ARHGAP6: variants seen among roughly 807,000 people sequenced by gnomAD.
ARHGAP6 encodes the protein Rho GTPase activating protein 6, also known as rho GTPase-activating protein 6.
ARHGAP6 carries 16 observed loss-of-function variants against 55.7 expected under a neutral mutation model. That is an observed-to-expected ratio of 0.29 (90% CI 0.19 to 0.44). ARHGAP6 has a LOEUF of 0.44. ARHGAP6 is among the 20% of genes least tolerant of loss of function. ARHGAP6 has a pLI of 1.00. For missense variants in ARHGAP6, 698 were observed against 808.9 expected (o/e 0.86, Z 1.66); for synonymous variants, 382 against 360.9 (o/e 1.06, Z -0.66).
chrX:11,205,340 G>A (rs2046690965), intron 2 of ARHGAP6, among the ~76,000 whole-genome samples: 1 of 111,671 alleles, frequency 9.0e-6, no homozygotes, highest in South Asian at 3.8e-4. Flanking sequence ...CCACCTACCA[G>A]ATGCCAGTAG....
intron 1 of ARHGAP6, among the ~76,000 whole-genome samples, chrX:11,353,777 C>T (rs369137968): frequency 1.8e-5 from 2 of 111,071 alleles, no homozygotes; most frequent in African/African-American, 6.5e-5. Flanking sequence ...AATTGTTCTG[C>T]CTCCTCTCTG....
chrX:11,568,147 G>A (rs1601652701), intron 1 of ARHGAP6, among the ~76,000 whole-genome samples: 1 of 111,331 alleles, frequency 9.0e-6, no homozygotes, highest in African/African-American at 3.3e-5. Flanking sequence ...ATCCCAGGGA[G>A]GACCTGGAAA....
chrX:11,277,552 A>T (rs1215496056), intron 1 of ARHGAP6, among the ~76,000 whole-genome samples: 2 of 111,614 alleles, frequency 1.8e-5, no homozygotes, highest in Non-Finnish European at 3.8e-5. Context: ...CAATTACAAG[A>T]AAACTCATGC....
intron 2 of ARHGAP6, among the ~76,000 whole-genome samples, chrX:11,222,953 A>T (rs1372881739): frequency 8.9e-6 from 1 of 111,937 alleles, no homozygotes; most frequent in Non-Finnish European, 1.9e-5. Flanking sequence ...TGTTATACCA[A>T]TTGGAATTGG....
At chrX:11,444,267 G>A (rs2050070431) in intron 1 of ARHGAP6, among the ~76,000 whole-genome samples, 3 of 112,221 alleles carry the variant, frequency 2.7e-5, no homozygotes, top group Non-Finnish European at 5.6e-5. Context: ...TACCAAAACA[G>A]TCAGCGGGCT....
chrX:11,237,763 CA>C (rs2047221971), intron 2 of ARHGAP6, among the ~76,000 whole-genome samples: 1 of 111,599 alleles, frequency 9.0e-6, no homozygotes, highest in African/African-American at 3.3e-5. Context: ...GAGGAGAGCT[CA>C]ATGAAAAAGT....
intron 1 of ARHGAP6, among the ~76,000 whole-genome samples, chrX:11,568,798 G>C (rs1181627729): frequency 1.0e-4 from 11 of 108,840 alleles, no homozygotes; most frequent in African/African-American, 3.7e-4. Flanking sequence ...CTAAATCAAA[G>C]TGTTACTGAG....
chrX:11,218,269 G>T (rs1249221018), intron 2 of ARHGAP6, among the ~76,000 whole-genome samples: 5 of 111,991 alleles, frequency 4.5e-5, no homozygotes, highest in Non-Finnish European at 9.4e-5. Flanking sequence ...GTAGCTTGAT[G>T]GGGATAGCAT....
At chrX:11,482,660 A>C (rs2050468192) in intron 1 of ARHGAP6, among the ~76,000 whole-genome samples, 1 of 111,426 alleles carries the variant, frequency 9.0e-6, no homozygotes, top group South Asian at 3.8e-4. Context: ...GGCTCAGCTC[A>C]TATCCCCTCC....
intron 1 of ARHGAP6, among the ~76,000 whole-genome samples, chrX:11,572,454 T>C (rs1168147939): frequency 9.0e-6 from 1 of 110,913 alleles, no homozygotes; most frequent in Non-Finnish European, 1.9e-5. Context: ...TTTTTTGTTC[T>C]TGCGATAGTT....
At chrX:11,517,495 C>A (rs2050854481) in intron 1 of ARHGAP6, among the ~76,000 whole-genome samples, 1 of 111,573 alleles carries the variant, frequency 9.0e-6, no homozygotes, top group African/African-American at 3.3e-5. Flanking sequence ...ATCATGAATC[C>A]TTTCCACTTC....
intron 1 of ARHGAP6, among the ~76,000 whole-genome samples, chrX:11,321,949 C>G (rs762944527): frequency 8.9e-6 from 1 of 111,924 alleles, no homozygotes; most frequent in Non-Finnish European, 1.9e-5. Context: ...TAAAGTGGCG[C>G]TCTGGAAAAT....
chrX:11,454,100 C>A (rs1487959586), intron 1 of ARHGAP6, among the ~76,000 whole-genome samples: 1 of 102,830 alleles, frequency 9.7e-6, no homozygotes, highest in African/African-American at 3.6e-5. Context: ...CCTGCCACCA[C>A]GCACGGCTAA....
At chrX:11,616,160 C>T (rs1363771925) in intron 1 of ARHGAP6, among the ~76,000 whole-genome samples, 1 of 110,143 alleles carries the variant, frequency 9.1e-6, no homozygotes, top group East Asian at 2.8e-4. Flanking sequence ...ATTGTTATAA[C>T]TAGTATACCC....
chrX:11,322,011 A>G (rs763724212), intron 1 of ARHGAP6, among the ~76,000 whole-genome samples: 29 of 112,406 alleles, frequency 2.6e-4, no homozygotes, highest in African/African-American at 7.4e-4. Context: ...GTGACGTGAC[A>G]TATGTGAGTA....
intron 1 of ARHGAP6, among the ~76,000 whole-genome samples, chrX:11,659,750 G>A (rs2052676283): frequency 9.0e-6 from 1 of 111,679 alleles, no homozygotes; most frequent in African/African-American, 3.3e-5. Flanking sequence ...CTTTGAAAAT[G>A]AAGGAAGGGG....
chrX:11,538,768 A>C (rs1364216761), intron 1 of ARHGAP6, among the ~76,000 whole-genome samples: 1 of 110,070 alleles, frequency 9.1e-6, no homozygotes, highest in Non-Finnish European at 1.9e-5. Flanking sequence ...AAAGATCAAG[A>C]TTTCTCAACC....
intron 1 of ARHGAP6, among the ~76,000 whole-genome samples, chrX:11,277,642 G>C (rs1385495310): frequency 9.1e-6 from 1 of 109,590 alleles, no homozygotes; most frequent in African/African-American, 3.3e-5. Flanking sequence ...AGTTTCTTTT[G>C]CTTTTTACAG....
At chrX:11,186,110 T>C (rs2046383519) in intron 5 of ARHGAP6, 126 bp downstream of exon 5, 1 of 660,073 alleles carries the variant, frequency 1.5e-6, no homozygotes, top group Non-Finnish European at 2.3e-6. Flanking sequence ...TCTGTACACT[T>C]TCACACAGTA....
Sources: allele counts gnomAD v4.1 joint callset (sites outside exome capture counted in the v4.1 genomes callset), GRCh38; gene constraint gnomAD v4.1.1; transcripts MANE v1.5; gene names NCBI Gene and HGNC (gene_info 2026-07-23, HGNC 2026-07-21).